Variants in ZFAT observed in about 807,000 individuals in gnomAD.
ZFAT encodes the protein zinc finger and AT-hook domain containing.
Under a neutral mutation model 117.7 loss-of-function variants are expected in ZFAT, and 64 were observed. The observed-to-expected ratio is 0.54, with a 90% CI of 0.44 to 0.67. The LOEUF (loss-of-function observed/expected upper bound fraction) is 0.67, where lower values mean the gene tolerates loss of function less well. ZFAT is among the 30% of genes least tolerant of loss of function. The pLI is 0.00. For synonymous variants in ZFAT, 679 were observed against 615.0 expected (o/e 1.10, Z -1.54); for missense variants, 1,433 against 1,584.5 (o/e 0.90, Z 1.62).
At chr8:134,769,978 T>C in the ZFAT span, among the ~76,000 whole-genome samples, 2 of 152,196 alleles carry the variant, frequency 1.3e-5, no homozygotes, top group Non-Finnish European at 2.9e-5. Context: ...ACCAAGCCCC[T>C]GGGTGGCACA....
At chr8:134,694,670 T>C (rs1833740237) in intron 1 of ZFAT, among the ~76,000 whole-genome samples, 1 of 152,170 alleles carries the variant, frequency 6.6e-6, no homozygotes, top group Admixed American at 6.5e-5. Context: ...CCTGCCTCTC[T>C]AAAGGCTCCA....
the ZFAT span, among the ~76,000 whole-genome samples, chr8:134,727,145 A>AG: frequency 6.6e-6 from 1 of 152,118 alleles, no homozygotes; most frequent in African/African-American, 2.4e-5. Context: ...AAAAAAAAAA[A>AG]CAAAACAAGG....
intron 12 of ZFAT, 125 bp from the exon 13 acceptor site, chr8:134,521,126 A>T: frequency 1.5e-6 from 1 of 653,596 alleles, no homozygotes; most frequent in Non-Finnish European, 2.6e-6. Context: ...ACTTGTATTC[A>T]ATTCAAGCTT....
intron 3 of ZFAT, among the ~76,000 whole-genome samples, chr8:134,630,995 A>G (rs1355488849): frequency 1.3e-5 from 2 of 152,210 alleles, no homozygotes; most frequent in African/African-American, 4.8e-5. Context: ...GTGCAATCAC[A>G]TGGATGCCAG....
chr8:134,658,914 T>C (rs1295125950), intron 1 of ZFAT, among the ~76,000 whole-genome samples: 1 of 152,174 alleles, frequency 6.6e-6, no homozygotes, highest in African/African-American at 2.4e-5. Context: ...AACTTGCCTA[T>C]TCAGCAGCAA....
chr8:134,538,147 C>A (rs897958055), intron 11 of ZFAT, among the ~76,000 whole-genome samples: 3 of 152,088 alleles, frequency 2.0e-5, no homozygotes, highest in African/African-American at 7.2e-5. Context: ...TGGATCAGCT[C>A]CCTGGAACAC....
At chr8:134,547,190 G>A (rs75959348) in intron 11 of ZFAT, among the ~76,000 whole-genome samples, 49 of 152,328 alleles carry the variant, frequency 3.2e-4, no homozygotes, top group African/African-American at 1.1e-3. Flanking sequence ...AAGGTCTGTT[G>A]GATCCTAATG....
intron 12 of ZFAT, among the ~76,000 whole-genome samples, chr8:134,529,877 C>T (rs1027760386): frequency 6.6e-6 from 1 of 152,204 alleles, no homozygotes; most frequent in East Asian, 1.9e-4. Context: ...GCTTTGGGAA[C>T]ACACTGTAAA....
At chr8:134,780,500 A>G in the ZFAT span, among the ~76,000 whole-genome samples, 1 of 152,218 alleles carries the variant, frequency 6.6e-6, no homozygotes, top group Non-Finnish European at 1.5e-5. Context: ...GTCTCCTACA[A>G]TAATTGTGTC....
At chr8:134,769,734 A>G in the ZFAT span, among the ~76,000 whole-genome samples, 116,223 of 152,034 alleles carry the variant, frequency 0.76, 44,937 homozygotes, top group African/African-American at 0.88. Context: ...TCCATGAGCC[A>G]CGCCTCCCCC....
chr8:134,650,244 G>C (rs1430404139), intron 2 of ZFAT, among the ~76,000 whole-genome samples: 1 of 150,746 alleles, frequency 6.6e-6, no homozygotes, highest in African/African-American at 2.4e-5. Flanking sequence ...TGCTGCCTCA[G>C]CCTCCCGAGA....
At chr8:134,593,102 G>A (rs1316331693) in intron 7 of ZFAT, among the ~76,000 whole-genome samples, 2 of 151,976 alleles carry the variant, frequency 1.3e-5, no homozygotes, top group African/African-American at 2.4e-5. Flanking sequence ...GGGTCAGGCG[G>A]GCATCCTGGA....
At chr8:134,713,277 C>T (rs1212426413), upstream of ZFAT, among the ~76,000 whole-genome samples, 2 of 152,222 alleles carry the variant, frequency 1.3e-5, no homozygotes, top group Non-Finnish European at 2.9e-5. Flanking sequence ...GGCGGTTGTG[C>T]CAGGCCTCTG....
chr8:134,674,162 G>A (rs1427997718), intron 1 of ZFAT, among the ~76,000 whole-genome samples: 1 of 152,178 alleles, frequency 6.6e-6, no homozygotes, highest in Non-Finnish European at 1.5e-5. Flanking sequence ...GAAGCACAAG[G>A]GGTCGGGAGA....
At chr8:134,666,211 T>C (rs1047418948) in intron 1 of ZFAT, among the ~76,000 whole-genome samples, 1 of 152,106 alleles carries the variant, frequency 6.6e-6, no homozygotes, top group Non-Finnish European at 1.5e-5. Flanking sequence ...CCACCAGTAA[T>C]GAGGTGCACT....
chr8:134,509,289 A>G (rs1470544930), intron 15 of ZFAT, among the ~76,000 whole-genome samples: 1 of 152,200 alleles, frequency 6.6e-6, no homozygotes, highest in Non-Finnish European at 1.5e-5. Context: ...CGCCTTAGGC[A>G]CTGAGAGCTG....
At chr8:134,684,339 A>T (rs1833212828) in intron 1 of ZFAT, among the ~76,000 whole-genome samples, 1 of 152,200 alleles carries the variant, frequency 6.6e-6, no homozygotes, top group African/African-American at 2.4e-5. Context: ...AATTAAATTT[A>T]AAAAAACACT....
At chr8:134,635,638 A>G (rs922068488) in intron 3 of ZFAT, among the ~76,000 whole-genome samples, 1 of 66,050 alleles carries the variant, frequency 1.5e-5, no homozygotes, top group Non-Finnish European at 3.0e-5. Flanking sequence ...AGAGAGAGTC[A>G]GGGAGAGAGG....
At chr8:134,589,501 TA>T (rs1350223769) in intron 8 of ZFAT, among the ~76,000 whole-genome samples, 2 of 152,246 alleles carry the variant, frequency 1.3e-5, no homozygotes, top group Non-Finnish European at 2.9e-5. Flanking sequence ...TACTCCCTCA[TA>T]AAACACACAA....
Sources: gnomAD v4.1 joint callset for allele counts (sites outside exome capture counted in the v4.1 genomes callset) on GRCh38, gnomAD v4.1.1 for gene constraint, MANE v1.5 for transcripts, NCBI Gene and HGNC (gene_info 2026-07-23, HGNC 2026-07-21) for gene names.